The following PPP6R3 variants were observed in gnomAD, a reference collection of about 807,000 sequenced individuals.
The protein encoded by PPP6R3 is serine/threonine-protein phosphatase 6 regulatory subunit 3.
In PPP6R3, 38 loss-of-function variants were observed where a neutral mutation model predicts 110.7. The ratio of observed to expected loss-of-function variants is 0.34; its 90% CI spans 0.26 to 0.45. The LOEUF (loss-of-function observed/expected upper bound fraction) is 0.45. Ranked by LOEUF, PPP6R3 falls within the 20% of genes least tolerant of loss-of-function variation. PPP6R3 has a pLI of 1.00. For missense variants in PPP6R3, 870 were observed against 1,062.4 expected (o/e 0.82, Z 2.52); for synonymous variants, 369 against 373.5 (o/e 0.99, Z 0.14).
At chr11:68,478,502 A>G (rs191221467) in intron 1 of PPP6R3, among the ~76,000 whole-genome samples, 12 of 151,836 alleles carry the variant, frequency 7.9e-5, no homozygotes, top group Non-Finnish European at 1.6e-4. Context: ...TTTGGTTACT[A>G]TTTGCCTTAT....
rs1565942624 is a variant in PPP6R3, at chr11:68,574,164, T to G, written c.1399T>G (p.Cys467Gly). 6.2e-7 allele frequency: 1 copy of G among 1,614,112 alleles called. No homozygotes were observed. The highest frequency in any genetic ancestry group is 1.7e-5 in the Admixed American group (1 of 60,030). The change falls in exon 13 of 24, where the codon TGT becomes GGT. Residue 467 changes from cysteine (C) to glycine (G), a missense_variant. Cys to Gly is a radical substitution (Grantham distance 159). Transcript: ENST00000393800. ...YMGHLTRIANCIVHSTDKGPN... is the reference protein window; with the variant it reads ...YMGHLTRIANGIVHSTDKGPN... Reference sequence around the variant, plus strand: ...GGGACACCTAACGAGGATAGCTAACTGTATCGTGCACAGCACTGACAAGGG... The same window carrying G: ...GGGACACCTAACGAGGATAGCTAACGGTATCGTGCACAGCACTGACAAGGG...
At position 68,472,472 on chromosome 11, in the gene PPP6R3, A is replaced by G. The variant is rs73516853; in HGVS notation, c.-158+11645A>G. Among the ~76,000 whole-genome samples, 1,049 of 152,234 alleles carry G rather than the reference A, an allele frequency of 6.9e-3. 12 individuals carry two copies. Among genetic ancestry groups the G allele is most frequent in the African/African-American group, 0.023 (969 of 41,530 alleles). On this transcript the variant is annotated intron_variant, in intron 1 of 23. Coordinates refer to ENST00000393800, the MANE Select transcript of PPP6R3 (RefSeq NM_001164161.2). ...AGGGTAGTGCGACATGTACATCTTC[A>G]ACTTTACTAGATGGTGCAAATTGTT...
chr11:68,587,755 T>C (rs1214732923), intron 15 of PPP6R3, 172 bp from the exon 16 acceptor site: 4 of 702,502 alleles, frequency 5.7e-6, no homozygotes, highest in African/African-American at 1.8e-5. Flanking sequence ...AACGTTTCCT[T>C]TTTTGGCAAA....
At chr11:68,478,614 G>C (rs1384908951) in intron 1 of PPP6R3, among the ~76,000 whole-genome samples, 2 of 127,304 alleles carry the variant, frequency 1.6e-5, no homozygotes. Flanking sequence ...TTTATAATTT[G>C]ACTCTCAACT....
At chr11:68,484,839 G>A (rs933103799) in intron 1 of PPP6R3, among the ~76,000 whole-genome samples, 44 of 152,106 alleles carry the variant, frequency 2.9e-4, no homozygotes, top group African/African-American at 1.0e-3. Context: ...CACCCACCTC[G>A]GCCTCCCAAT....
At chr11:68,503,823 A>T (rs1195714970) in intron 1 of PPP6R3, among the ~76,000 whole-genome samples, 1 of 152,212 alleles carries the variant, frequency 6.6e-6, no homozygotes, top group African/African-American at 2.4e-5. Context: ...AAAGTAGACA[A>T]AGGATATAAA....
chr11:68,582,099 C>T (rs1467356884), intron 14 of PPP6R3, among the ~76,000 whole-genome samples: 2 of 152,198 alleles, frequency 1.3e-5, no homozygotes, highest in Non-Finnish European at 2.9e-5. Context: ...GGTACAGCCT[C>T]ATGAGTTGGC....
At chr11:68,499,642 C>G (rs2099037604) in intron 1 of PPP6R3, among the ~76,000 whole-genome samples, 2 of 152,248 alleles carry the variant, frequency 1.3e-5, no homozygotes, top group South Asian at 4.1e-4. Context: ...GATCATAGCT[C>G]ACTGCAGCCT....
chr11:68,558,509 TGAG>T, intron 7 of PPP6R3, 54 bp from the exon 8 acceptor site: 1 of 1,133,370 alleles, frequency 8.8e-7, no homozygotes, highest in Non-Finnish European at 1.3e-6. Context: ...TCTTTTTTTC[TGAG>T]GTTGTTGGTG....
At chr11:68,476,083 T>C (rs2098829547) in intron 1 of PPP6R3, among the ~76,000 whole-genome samples, 1 of 152,114 alleles carries the variant, frequency 6.6e-6, no homozygotes, top group African/African-American at 2.4e-5. Flanking sequence ...GAGGCTGCAA[T>C]CTCGGCACTT....
At chr11:68,478,902 T>C (rs1306283079) in intron 1 of PPP6R3, among the ~76,000 whole-genome samples, 1 of 152,098 alleles carries the variant, frequency 6.6e-6, no homozygotes, top group African/African-American at 2.4e-5. Context: ...GTGATCCACC[T>C]GCCTCAGCCT....
chr11:68,542,395 T>TTTTTGTTTTTTTTTG (rs1168931864), intron 3 of PPP6R3, among the ~76,000 whole-genome samples: 5 of 108,958 alleles, frequency 4.6e-5, no homozygotes, highest in African/African-American at 7.3e-5. Context: ...TGCTGTTTTT[T>TTTTTGTTTTTTTTTG]TTTTTTTTTT....
At position 68,544,707 on chromosome 11, in the gene PPP6R3, ATGATTTCC is replaced by A. The variant is rs2099341245; in HGVS notation, c.228-122_228-115del. 7 of 640,198 alleles carry A rather than the reference ATGATTTCC, an allele frequency of 1.1e-5. No homozygotes were observed. In the South Asian group the frequency reaches 1.7e-4, roughly 16 times the overall value. The allele number at this position is 640,198 out of a possible 1,614,324, so 39.7% of individuals were successfully genotyped here. On this transcript the variant is annotated intron_variant, in intron 3 of 23. Coordinates refer to ENST00000393800, the MANE Select transcript of PPP6R3 (RefSeq NM_001164161.2). The stretch of plus-strand genomic sequence containing the variant: ...GGTAGGTTGAACAGAATGGATTGAA[ATGATTTCC>A]TGATTTCCAGTAAACGATTTTATTT...
chr11:68,558,138 G>C (rs1379261026), intron 7 of PPP6R3: 1 of 152,366 alleles, frequency 6.6e-6, no homozygotes. Context: ...AAACATTCAT[G>C]GGTTCTAATT....
At chr11:68,491,811 A>G (rs1052060633) in intron 1 of PPP6R3, among the ~76,000 whole-genome samples, 2 of 152,124 alleles carry the variant, frequency 1.3e-5, no homozygotes, top group African/African-American at 4.8e-5. Flanking sequence ...CCACATTGGA[A>G]GAAGAGTTGC....
chr11:68,587,189 A>AC (rs2099581510), intron 15 of PPP6R3: 7 of 96,230 alleles, frequency 7.3e-5, no homozygotes, highest in African/African-American at 1.4e-4. Flanking sequence ...CCCCCCCCCC[A>AC]CATTTTCAAC....
chr11:68,518,397 A>G (rs960743285), intron 1 of PPP6R3, among the ~76,000 whole-genome samples: 1 of 152,226 alleles, frequency 6.6e-6, no homozygotes, highest in African/African-American at 2.4e-5. Flanking sequence ...TGTCAGTGAA[A>G]TGAATGGAAA....
intron 2 of PPP6R3, among the ~76,000 whole-genome samples, chr11:68,521,507 CTCGTCAGCATGCTG>C (rs1323614884): frequency 1.3e-5 from 2 of 152,154 alleles, no homozygotes; most frequent in African/African-American, 4.8e-5. Context: ...CACATCTCTG[CTCGTCAGCATGCTG>C]TCCTACACTA....
chr11:68,463,824 AC>A (rs2098725916), intron 1 of PPP6R3, among the ~76,000 whole-genome samples: 1 of 151,742 alleles, frequency 6.6e-6, no homozygotes, highest in Non-Finnish European at 1.5e-5. Context: ...TTCCCCCCTC[AC>A]CCCCCAGGAA....
Sources: gnomAD v4.1 joint callset for allele counts (sites outside exome capture counted in the v4.1 genomes callset) on GRCh38, gnomAD v4.1.1 for gene constraint, MANE v1.5 for transcripts, NCBI Gene and HGNC (gene_info 2026-07-23, HGNC 2026-07-21) for gene names.